The following CES4A variants were observed in gnomAD, a reference collection of about 807,000 sequenced individuals.
CES4A encodes the protein carboxylesterase 4A.
A neutral mutation model predicts 65.4 loss-of-function variants in CES4A; 48 were observed. The ratio of observed to expected loss-of-function variants is 0.73; its 90% CI spans 0.58 to 0.93. CES4A has a LOEUF of 0.93. Among genes scored for constraint, CES4A ranks in the 40% least tolerant of loss-of-function variants. The probability of loss-of-function intolerance (pLI) is 0.00; values close to 1 mark genes in which losing one functional copy is unlikely to be tolerated. For synonymous variants in CES4A, 247 were observed against 281.8 expected (o/e 0.88, Z 1.24); for missense variants, 685 against 728.5 (o/e 0.94, Z 0.69).
rs542665027 is a variant in CES4A at position 67,003,925 on chromosome 16, C to T, written c.940-159C>T. Among the ~76,000 whole-genome samples, 19 of 152,278 alleles carry T rather than the reference C, an allele frequency of 1.2e-4. No individual in the cohort carries two copies. In the East Asian group the frequency reaches 3.1e-3, roughly 25 times the overall value. Reference sequence around the variant, plus strand: ...TAATTTGGTCCTGCCTATCCTGCTCCCCTCCCACACCCATCCTCCTGGGGC... The same window carrying T: ...TAATTTGGTCCTGCCTATCCTGCTCTCCTCCCACACCCATCCTCCTGGGGC... On this transcript the variant is annotated intron_variant, in intron 8 of 13. Coordinates refer to ENST00000648724, the Ensembl canonical transcript of CES4A. This position sits in a 1 kb window ranked among gnomAD's most constrained non-coding sequence, Gnocchi z 4.2.
chr16:67,005,470 G>C, intron 11 of CES4A, 77 bp downstream of exon 11: 1 of 1,398,444 alleles, frequency 7.2e-7, no homozygotes, highest in Non-Finnish European at 9.9e-7. Context: ...TGGGCTTATC[G>C]ACTGCTCCCC....
At chr16:66,989,855 CA>C (rs921346638) in intron 1 of CES4A, among the ~76,000 whole-genome samples, 50 of 141,448 alleles carry the variant, frequency 3.5e-4, no homozygotes, top group African/African-American at 6.2e-4. Flanking sequence ...AACTCTATCT[CA>C]AAAAAAAAAA....
At chr16:66,997,604 G>T (rs893340981) in intron 2 of CES4A, among the ~76,000 whole-genome samples, 1 of 152,198 alleles carries the variant, frequency 6.6e-6, no homozygotes, top group Non-Finnish European at 1.5e-5. Context: ...TTTGGCCACA[G>T]TAGACAAGGA....
chr16:67,006,578 G>A (rs1965778008), intron 12 of CES4A, 59 bp downstream of exon 12: 2 of 1,564,052 alleles, frequency 1.3e-6, no homozygotes, highest in Non-Finnish European at 1.7e-6. Flanking sequence ...TCTGGATGCA[G>A]ACCCACCCCT....
chr16:66,988,746 C>T (rs1192049371), exon 1 of CES4A: 20 of 1,555,862 alleles, frequency 1.3e-5, no homozygotes, highest in Non-Finnish European at 1.7e-5. Flanking sequence ...GCCATCACTC[C>T]TGCCCACAGC....
At chr16:67,007,229 G>A (rs1053683449) in intron 13 of CES4A, 1 of 168,090 alleles carries the variant, frequency 5.9e-6, no homozygotes, top group Admixed American at 6.2e-5. Context: ...CATAGAGGAG[G>A]TGTCTGGCCC....
rs1218205153 is a variant in CES4A, at chr16:67,004,863, G to A, written c.1151G>A (p.Arg384His). 4 of 1,535,628 alleles carry A rather than the reference G, an allele frequency of 2.6e-6. No homozygotes were observed. In the Admixed American group the frequency reaches 7.9e-5, roughly 30 times the overall value. The change falls in exon 10 of 14, where the codon CGC becomes CAC. Residue 384 changes from arginine (R) to histidine (H), a missense_variant. Physicochemically the swap from Arg to His is conservative, Grantham distance 29. Coordinates refer to ENST00000648724, the Ensembl canonical transcript of CES4A. Reference sequence around the variant, plus strand: ...ATCACTAAGATGCTCTGGAGTACCCGCACCCTGTTGGTGAGGGACCCAGCT... The same window carrying A: ...ATCACTAAGATGCTCTGGAGTACCCACACCCTGTTGGTGAGGGACCCAGCT...
intron 1 of CES4A, among the ~76,000 whole-genome samples, chr16:66,993,374 A>G (rs1242243832): frequency 2.0e-5 from 3 of 152,052 alleles, no homozygotes; most frequent in Non-Finnish European, 4.4e-5. Context: ...ACGGAGTCTC[A>G]CTTTGTCACC....
rs990750007 is a variant in CES4A, at chr16:67,003,448, G to A, written c.901-67G>A. ...CCAGCCACCCCCAACTACTTCCCCA[G>A]GGACCCTGTCTCAAGAGCACACGAG... On this transcript the variant is annotated intron_variant, in intron 7 of 13. Transcript: ENST00000648724. This position sits in a 1 kb window ranked among gnomAD's most constrained non-coding sequence, Gnocchi z 4.2. 6.3e-7 allele frequency: 1 copy of A among 1,592,356 alleles called. No individual in the cohort carries two copies. The highest frequency in any genetic ancestry group is 1.7e-5 in the Admixed American group (1 of 59,976).
At chr16:67,009,348 A>G in exon 14 of CES4A, 1 of 526,432 alleles carries the variant, frequency 1.9e-6, no homozygotes. Flanking sequence ...ACATCCCATG[A>G]TGCCCCTCTA....
rs897430484 is a variant in CES4A, at chr16:67,005,051, CAG to C, written c.1161+179_1161+180del. On this transcript the variant is annotated intron_variant, in intron 10 of 13. Transcript: ENST00000648724. ...CTTACAGGTAAGGTGCTCAGGGTCA[CAG>C]GGGCAGTTATGCAGCAAAATCAGGG... The C allele has an allele frequency of 2.0e-5, 15 of 745,078 alleles. No individual in the cohort carries two copies. The Admixed American group carries it at 2.4e-4, about 12-fold the overall frequency. The allele number at this position is 745,078 out of a possible 1,614,324, so 46.2% of individuals were successfully genotyped here.
At chr16:66,997,578 C>G (rs118033323) in intron 2 of CES4A, among the ~76,000 whole-genome samples, 2,475 of 152,204 alleles carry the variant, frequency 0.016, 42 homozygotes, top group Non-Finnish European at 0.026. Context: ...AGAGGAATCA[C>G]TGATAATGAC....
chr16:67,001,601 G>T lies in CES4A; in HGVS notation c.690+140G>T. 1 of 1,018,928 alleles carries T rather than the reference G, an allele frequency of 9.8e-7. No individual in the cohort carries two copies. The highest frequency in any genetic ancestry group is 1.7e-5 in the South Asian group (1 of 58,322). 63.1% of individuals were successfully genotyped at this position (1,018,928 alleles called of 1,614,324 possible). A position where few individuals can be genotyped will look rare whatever the true frequency, so the allele number is the denominator to read the frequency against. On this transcript the variant is annotated intron_variant, in intron 5 of 13. Transcript: ENST00000648724. This position sits in a 1 kb window ranked among gnomAD's most constrained non-coding sequence, Gnocchi z 4.1. ...ACAGAAATGCTCTCGCCCCTGCCAAGGGTACAGCCCCTCATAGCCAAGGAT... is the reference window on the plus strand; with the variant it reads ...ACAGAAATGCTCTCGCCCCTGCCAATGGTACAGCCCCTCATAGCCAAGGAT...
chr16:67,001,342 C>A lies in CES4A; in HGVS notation c.571C>A (p.Leu191Met). ...CAGCCACGCGCGCGGGAACTGGGGGCTGCTGGACCAGATGGCGGCTCTGCG... is the reference window on the plus strand; with the variant it reads ...CAGCCACGCGCGCGGGAACTGGGGGATGCTGGACCAGATGGCGGCTCTGCG... The change falls in exon 5 of 14, where the codon CTG becomes ATG. Residue 191 changes from leucine to methionine, a missense_variant. Leu to Met is a conservative substitution (Grantham distance 15, BLOSUM62 2). Coordinates refer to ENST00000648724, the Ensembl canonical transcript of CES4A. This position sits in a 1 kb window ranked among gnomAD's most constrained non-coding sequence, Gnocchi z 4.1. The A allele has an allele frequency of 6.2e-7, 1 of 1,612,718 alleles. No homozygotes were observed. Among genetic ancestry groups the A allele is most frequent in the Non-Finnish European group, 8.5e-7 (1 of 1,179,434 alleles).
intron 13 of CES4A, 21 bp downstream of exon 13, chr16:67,006,838 A>G (rs1328049456): frequency 3.1e-6 from 5 of 1,610,830 alleles, no homozygotes; most frequent in Admixed American, 1.7e-5. Context: ...CCCCCAGCAC[A>G]TCTGGGCATT....
intron 2 of CES4A, among the ~76,000 whole-genome samples, chr16:66,996,408 G>A (rs556673322): frequency 1.3e-5 from 2 of 152,234 alleles, no homozygotes; most frequent in East Asian, 1.9e-4. Context: ...GCACCTGCTG[G>A]GGAGCTGCGT....
chr16:66,997,085 G>C (rs1418456014), intron 2 of CES4A, among the ~76,000 whole-genome samples: 1 of 151,534 alleles, frequency 6.6e-6, no homozygotes, highest in East Asian at 1.9e-4. Context: ...ATAAAAGCAG[G>C]TTGTCCACTG....
intron 1 of CES4A, among the ~76,000 whole-genome samples, chr16:66,992,282 C>T (rs1057272134): frequency 5.3e-5 from 8 of 152,238 alleles, no homozygotes; most frequent in African/African-American, 1.9e-4. Context: ...GCTGGCCTGC[C>T]TCCATGTTTG....
chr16:66,995,405 A>G (rs1964761324), intron 1 of CES4A, among the ~76,000 whole-genome samples: 1 of 152,226 alleles, frequency 6.6e-6, no homozygotes, highest in African/African-American at 2.4e-5. Flanking sequence ...GAAGAAGTGG[A>G]CAGACACACA....
Sources: gnomAD v4.1 joint callset for allele counts (sites outside exome capture counted in the v4.1 genomes callset) on GRCh38, gnomAD v4.1.1 for gene constraint, Gnocchi (gnomAD v3.1) non-coding constraint, MANE v1.5 for transcripts, NCBI Gene and HGNC (gene_info 2026-07-23, HGNC 2026-07-21) for gene names.